The following UBE2E2 variants were observed in gnomAD, a reference collection of about 807,000 sequenced individuals.
The protein encoded by UBE2E2 is ubiquitin-conjugating enzyme E2 E2.
UBE2E2 carries 6 observed loss-of-function variants against 24.7 expected under a neutral mutation model. The observed-to-expected ratio is 0.24, with a 90% CI of 0.13 to 0.48. UBE2E2 has a LOEUF of 0.48. Among genes scored for constraint, UBE2E2 ranks in the 20% least tolerant of loss-of-function variants. The probability of loss-of-function intolerance (pLI) is 0.99; values close to 1 mark genes in which losing one functional copy is unlikely to be tolerated. For synonymous variants in UBE2E2, 104 were observed against 83.6 expected (o/e 1.24, Z -1.33); for missense variants, 169 against 245.0 (o/e 0.69, Z 2.07).
chr3:23,234,073 A>G (rs1399522750), intron 3 of UBE2E2, among the ~76,000 whole-genome samples: 1 of 152,054 alleles, frequency 6.6e-6, no homozygotes, highest in Admixed American at 6.6e-5. Context: ...GGTCAGGGGG[A>G]AAAGCTGTTA....
At position 23,331,603 on chromosome 3, in the gene UBE2E2, G is replaced by T. The variant is rs537838949; in HGVS notation, c.227+114291G>T. On this transcript the variant is annotated intron_variant, in intron 3 of 5. Transcript: ENST00000396703. ...CATAAGATGGTGAGGAGGGGACAAGGTGTGCTAATTTGTCTGGTAGAAGAG... is the reference window on the plus strand; with the variant it reads ...CATAAGATGGTGAGGAGGGGACAAGTTGTGCTAATTTGTCTGGTAGAAGAG... 2.6e-5 allele frequency among the ~76,000 whole-genome samples: 4 copies of T among 152,174 alleles called. No homozygotes were observed. The East Asian group carries it at 5.8e-4, about 22-fold the overall frequency.
intron 3 of UBE2E2, among the ~76,000 whole-genome samples, chr3:23,224,434 G>A (rs1349611258): frequency 3.3e-5 from 5 of 151,376 alleles, no homozygotes; most frequent in African/African-American, 1.2e-4. Flanking sequence ...AAATAGGATT[G>A]CTTTCTTGAT....
intron 3 of UBE2E2, among the ~76,000 whole-genome samples, chr3:23,219,599 G>A (rs867354926): frequency 1.3e-5 from 2 of 152,242 alleles, no homozygotes; most frequent in South Asian, 4.1e-4. Flanking sequence ...TCAAAATAGA[G>A]CAAATTAAAG....
intron 3 of UBE2E2, among the ~76,000 whole-genome samples, chr3:23,373,800 A>G (rs1696454423): frequency 6.6e-6 from 1 of 152,148 alleles, no homozygotes; most frequent in African/African-American, 2.4e-5. Flanking sequence ...AGAAGTTTGG[A>G]TGGTAAATTA....
At chr3:23,470,480 T>C (rs1418643809) in intron 3 of UBE2E2, among the ~76,000 whole-genome samples, 1 of 152,230 alleles carries the variant, frequency 6.6e-6, no homozygotes, top group African/African-American at 2.4e-5. Context: ...TTTCCTCAAG[T>C]TGTTATTTTG....
At chr3:23,532,848 C>A (rs1391155319) in intron 5 of UBE2E2, 147 bp downstream of exon 5, 4 of 797,386 alleles carry the variant, frequency 5.0e-6, no homozygotes, top group Non-Finnish European at 6.9e-6. Context: ...TAACTATTTT[C>A]TTTTTAAATT....
chr3:23,403,767 T>C (rs1697286160), intron 3 of UBE2E2, among the ~76,000 whole-genome samples: 1 of 138,192 alleles, frequency 7.2e-6, no homozygotes, highest in African/African-American at 2.8e-5. Context: ...GAGGTTGCAG[T>C]GAGCCGAGAT....
chr3:23,445,502 T>C (rs1698407478), intron 3 of UBE2E2, among the ~76,000 whole-genome samples: 1 of 152,326 alleles, frequency 6.6e-6, no homozygotes, highest in East Asian at 1.9e-4. Flanking sequence ...CCACCACATA[T>C]ACTGCTCCGG....
At chr3:23,274,252 G>C (rs1158156121) in intron 3 of UBE2E2, among the ~76,000 whole-genome samples, 1 of 152,102 alleles carries the variant, frequency 6.6e-6, no homozygotes, top group Non-Finnish European at 1.5e-5. Flanking sequence ...TATTGTTGAA[G>C]AAATACCTGG....
At chr3:23,543,078 C>T (rs1695430407) in intron 5 of UBE2E2, among the ~76,000 whole-genome samples, 1 of 152,076 alleles carries the variant, frequency 6.6e-6, no homozygotes, top group South Asian at 2.1e-4. Context: ...TTTTGGGAGG[C>T]CAAGGCAGGA....
intron 3 of UBE2E2, among the ~76,000 whole-genome samples, chr3:23,263,057 G>C (rs1302441112): frequency 6.6e-6 from 1 of 152,178 alleles, no homozygotes; most frequent in Non-Finnish European, 1.5e-5. Context: ...CAGAACAAGA[G>C]ATGGAGAGAA....
chr3:23,364,269 C>G (rs1696200266), intron 3 of UBE2E2, among the ~76,000 whole-genome samples: 1 of 151,806 alleles, frequency 6.6e-6, no homozygotes, highest in African/African-American at 2.4e-5. Context: ...AACAGATAAC[C>G]AAAATCAGAG....
At position 23,440,206 on chromosome 3, in the gene UBE2E2, G is replaced by A. The variant is rs543175576; in HGVS notation, c.228-59402G>A. Among the ~76,000 whole-genome samples the A allele has an allele frequency of 1.1e-4, 16 of 152,206 alleles. No individual in the cohort carries two copies. The South Asian group carries it at 2.1e-3, about 20-fold the overall frequency. On this transcript the variant is annotated intron_variant, in intron 3 of 5. Coordinates refer to ENST00000396703, the MANE Select transcript of UBE2E2 (RefSeq NM_152653.4). ...GGAGAATCGCTTGAACTCAGGGGTC[G>A]GAGGTTGCAGTGAGCCAAGATCACG...
chr3:23,409,063 A>G (rs1697436457), intron 3 of UBE2E2, among the ~76,000 whole-genome samples: 1 of 152,150 alleles, frequency 6.6e-6, no homozygotes, highest in African/African-American at 2.4e-5. Context: ...ATAATTAAAG[A>G]GGATGATTCT....
chr3:23,554,002 A>G (rs1050785357), intron 5 of UBE2E2, among the ~76,000 whole-genome samples: 2 of 152,164 alleles, frequency 1.3e-5, no homozygotes, highest in East Asian at 1.9e-4. Context: ...CACAGTCACT[A>G]TCAAAATCCC....
At chr3:23,299,209 T>C (rs977939143) in intron 3 of UBE2E2, among the ~76,000 whole-genome samples, 2 of 152,208 alleles carry the variant, frequency 1.3e-5, no homozygotes, top group Non-Finnish European at 2.9e-5. Context: ...GGTCTATCAA[T>C]TTTGTTGATG....
chr3:23,548,383 T>C (rs1695570211), intron 5 of UBE2E2, among the ~76,000 whole-genome samples: 1 of 152,188 alleles, frequency 6.6e-6, no homozygotes, highest in Non-Finnish European at 1.5e-5. Flanking sequence ...AATTTATCTA[T>C]TGTACATGTT....
intron 4 of UBE2E2, among the ~76,000 whole-genome samples, chr3:23,525,162 C>G (rs981072254): frequency 1.3e-5 from 2 of 152,130 alleles, no homozygotes; most frequent in Non-Finnish European, 1.5e-5. Flanking sequence ...ATCCTCGTGC[C>G]TCTCTCTTAA....
intron 3 of UBE2E2, among the ~76,000 whole-genome samples, chr3:23,486,381 T>A (rs1267746403): frequency 6.6e-6 from 1 of 152,132 alleles, no homozygotes. Flanking sequence ...GGTATTACAG[T>A]GTGTCACAGC....
Sources: gnomAD v4.1 joint callset for allele counts (sites outside exome capture counted in the v4.1 genomes callset) on GRCh38, gnomAD v4.1.1 for gene constraint, MANE v1.5 for transcripts, NCBI Gene and HGNC (gene_info 2026-07-23, HGNC 2026-07-21) for gene names.